The following PHF20 variants were observed in gnomAD, a reference collection of about 807,000 sequenced individuals.
PHF20 encodes PHD finger protein 20.
A neutral mutation model predicts 113.5 loss-of-function variants in PHF20; 23 were observed. The ratio of observed to expected loss-of-function variants is 0.20; its 90% CI spans 0.15 to 0.29. The LOEUF (loss-of-function observed/expected upper bound fraction) is 0.29, where lower values mean the gene tolerates loss of function less well. Ranked by LOEUF, PHF20 falls within the 10% of genes least tolerant of loss-of-function variation. The pLI is 1.00. For synonymous variants in PHF20, 434 were observed against 457.3 expected (o/e 0.95, Z 0.65); for missense variants, 943 against 1,219.6 (o/e 0.77, Z 3.38).
chr20:35,877,877 T>C (rs574612481), intron 9 of PHF20, among the ~76,000 whole-genome samples: 1 of 152,334 alleles, frequency 6.6e-6, no homozygotes, highest in African/African-American at 2.4e-5. Flanking sequence ...CATGAAATCT[T>C]GCTGTGTTTG....
chr20:35,834,020 T>C (rs1231835265), intron 2 of PHF20, among the ~76,000 whole-genome samples: 1 of 151,938 alleles, frequency 6.6e-6, no homozygotes, highest in Admixed American at 6.6e-5. Context: ...ATCATGCCAC[T>C]GTACTCCAGC....
At chr20:35,788,257 C>T (rs1052848824) in intron 1 of PHF20, among the ~76,000 whole-genome samples, 17 of 150,884 alleles carry the variant, frequency 1.1e-4, no homozygotes, top group Non-Finnish European at 1.8e-4. Context: ...CCACCACGCC[C>T]GGCTAATTTT....
chr20:35,858,970 ATTCTT>A (rs778606319), intron 5 of PHF20, among the ~76,000 whole-genome samples: 5 of 152,098 alleles, frequency 3.3e-5, no homozygotes, highest in African/African-American at 4.8e-5. Flanking sequence ...AACAATGGTT[ATTCTT>A]TTCTTCTCTC....
intron 14 of PHF20, among the ~76,000 whole-genome samples, chr20:35,929,994 C>A (rs914139721): frequency 6.6e-6 from 1 of 152,226 alleles, no homozygotes; most frequent in Admixed American, 6.5e-5. Flanking sequence ...AGTCGAACAA[C>A]AGTCTGGTAG....
intron 1 of PHF20, among the ~76,000 whole-genome samples, chr20:35,801,124 T>C (rs2041772607): frequency 6.6e-6 from 1 of 152,214 alleles, no homozygotes; most frequent in Non-Finnish European, 1.5e-5. Context: ...TGTGTCTCTT[T>C]TGGTCTTGAT....
At chr20:35,878,774 T>G (rs990879647) in intron 9 of PHF20, 59 of 705,406 alleles carry the variant, frequency 8.4e-5, no homozygotes, top group Non-Finnish European at 1.0e-5. Flanking sequence ...GGAGCTTGTT[T>G]TAGTTAGACG....
At chr20:35,839,410 AAG>A (rs2042503646) in intron 2 of PHF20, among the ~76,000 whole-genome samples, 1 of 150,830 alleles carries the variant, frequency 6.6e-6, no homozygotes, top group African/African-American at 2.4e-5. Context: ...AAAAAAAAAA[AAG>A]AAAGTGGTTT....
rs1600757489 is a variant in PHF20 at position 35,805,949 on chromosome 20, C to T, written c.83+4344C>T. Among the ~76,000 whole-genome samples, 8 of 151,932 alleles carry T rather than the reference C, an allele frequency of 5.3e-5. 1 individual carries two copies. In the South Asian group the frequency reaches 1.7e-3, roughly 32 times the overall value. On this transcript the variant is annotated intron_variant, in intron 2 of 17. Coordinates refer to ENST00000374012, the MANE Select transcript of PHF20 (RefSeq NM_016436.5). ...CAATCTTGGCTCACTGCAACCTCCACCTCCTCCTGGGTTCAAGCGATTCTC... is the reference window on the plus strand; with the variant it reads ...CAATCTTGGCTCACTGCAACCTCCATCTCCTCCTGGGTTCAAGCGATTCTC...
At chr20:35,779,792 A>G (rs1439905671) in intron 1 of PHF20, among the ~76,000 whole-genome samples, 1 of 152,086 alleles carries the variant, frequency 6.6e-6, no homozygotes, top group East Asian at 1.9e-4. Context: ...AACTGCTGGG[A>G]TTACAGGCGT....
At chr20:35,840,042 C>G (rs1027642417) in intron 2 of PHF20, among the ~76,000 whole-genome samples, 4 of 152,120 alleles carry the variant, frequency 2.6e-5, no homozygotes, top group Non-Finnish European at 5.9e-5. Context: ...TATACAGACA[C>G]AAGAAAGCAG....
chr20:35,776,168 A>G (rs1204185414), intron 1 of PHF20, among the ~76,000 whole-genome samples: 1 of 152,216 alleles, frequency 6.6e-6, no homozygotes, highest in African/African-American at 2.4e-5. Context: ...TTATTGATAT[A>G]GAATCATTCT....
chr20:35,928,401 T>G (rs572975542), intron 14 of PHF20, among the ~76,000 whole-genome samples: 2 of 127,472 alleles, frequency 1.6e-5, no homozygotes. Context: ...ATCATGCCAG[T>G]GCACTCCAGC....
rs553967705 is a variant in PHF20 at position 35,868,158 on chromosome 20, T to G, written c.809-1280T>G. Among the ~76,000 whole-genome samples, 34 of 152,040 alleles carry G rather than the reference T, an allele frequency of 2.2e-4. No individual in the cohort carries two copies. In the Middle Eastern group the frequency reaches 0.01, roughly 46 times the overall value. On this transcript the variant is annotated intron_variant, in intron 6 of 17. Coordinates refer to ENST00000374012, the MANE Select transcript of PHF20 (RefSeq NM_016436.5). ...AAGATACAAAATTAGCCAGGTGTGG[T>G]GGCGCATGCCTGTAATCCCAGCTAC...
intron 3 of PHF20, among the ~76,000 whole-genome samples, chr20:35,846,825 TA>T (rs1225627991): frequency 5.3e-5 from 8 of 152,164 alleles, no homozygotes; most frequent in Non-Finnish European, 7.4e-5. Flanking sequence ...TGAGACTAGG[TA>T]ATTTATAAAG....
rs551165544 is a variant in PHF20 at position 35,889,682 on chromosome 20, G to T, written c.1283-9688G>T. On this transcript the variant is annotated intron_variant, in intron 9 of 17. Transcript: ENST00000374012. The stretch of plus-strand genomic sequence containing the variant: ...TTGGCCATATTTTGAGTTTTATTTC[G>T]CATAGTTATACCATGCATATTCTGT... Among the ~76,000 whole-genome samples, 4 of 150,984 alleles carry T rather than the reference G, an allele frequency of 2.6e-5. No homozygotes were observed. The East Asian group carries it at 7.8e-4, about 30-fold the overall frequency.
intron 13 of PHF20, among the ~76,000 whole-genome samples, chr20:35,924,354 T>C (rs566309595): frequency 5.3e-5 from 8 of 150,198 alleles, no homozygotes; most frequent in Middle Eastern, 3.6e-3. Context: ...ACCACCACGC[T>C]TGGCTAATTT....
intron 10 of PHF20, among the ~76,000 whole-genome samples, chr20:35,906,243 T>A (rs542929171): frequency 6.6e-6 from 1 of 152,388 alleles, no homozygotes; most frequent in African/African-American, 2.4e-5. Context: ...ACTGGCCTTA[T>A]CGCAGGAACA....
chr20:35,906,909 G>A (rs762847960), intron 10 of PHF20, among the ~76,000 whole-genome samples: 3 of 152,020 alleles, frequency 2.0e-5, no homozygotes, highest in African/African-American at 4.8e-5. Flanking sequence ...TTGGTATCTG[G>A]GTGGGACTCA....
intron 8 of PHF20, 63 bp from the exon 9 acceptor site, chr20:35,871,587 G>T: frequency 7.2e-7 from 1 of 1,381,988 alleles, no homozygotes; most frequent in Non-Finnish European, 9.8e-7. Flanking sequence ...GACTGTTGTA[G>T]GACTTTTGAT....
Sources: allele counts gnomAD v4.1 joint callset (sites outside exome capture counted in the v4.1 genomes callset), GRCh38; gene constraint gnomAD v4.1.1; transcripts MANE v1.5; gene names NCBI Gene and HGNC (gene_info 2026-07-23, HGNC 2026-07-21).